The following LIN52 variants were observed in gnomAD, a reference collection of about 807,000 sequenced individuals.
LIN52 encodes the protein lin-52 DREAM MuvB core complex component.
In LIN52, 4 loss-of-function variants were observed where a neutral mutation model predicts 18.5. The ratio of observed to expected loss-of-function variants is 0.22; its 90% CI spans 0.11 to 0.49. The LOEUF is 0.49. Among genes scored for constraint, LIN52 ranks in the 20% least tolerant of loss-of-function variants. LIN52 has a pLI of 0.97. For synonymous variants in LIN52, 34 were observed against 45.5 expected, an observed-to-expected ratio of 0.75 and a Z score of 1.02; for missense variants, 102 against 139.5, an observed-to-expected ratio of 0.73 and a Z score of 1.35.
chr14:74,149,790 T>C (rs2109749), intron 5 of LIN52, among the ~76,000 whole-genome samples: 122,876 of 152,064 alleles, frequency 0.81, 49,850 homozygotes, highest in Admixed American at 0.83. Flanking sequence ...TGAAAGAAAC[T>C]TACTGGTAAA....
intron 5 of LIN52, among the ~76,000 whole-genome samples, chr14:74,193,763 G>GCCTATGTGGCCTACT (rs1189438279): frequency 4.9e-4 from 75 of 152,178 alleles, no homozygotes; most frequent in South Asian, 6.2e-4. Flanking sequence ...GTGGCCCAGG[G>GCCTATGTGGCCTACT]TCAATGTAAG....
chr14:74,192,615 G>A (rs961690674), intron 5 of LIN52: 3 of 213,516 alleles, frequency 1.4e-5, no homozygotes, highest in Admixed American at 5.5e-5. Context: ...TTTGAAGGTG[G>A]AGGGGTAGGA....
At chr14:74,172,438 A>C (rs1450193592) in intron 5 of LIN52, among the ~76,000 whole-genome samples, 1 of 152,216 alleles carries the variant, frequency 6.6e-6, no homozygotes, top group Admixed American at 6.6e-5. Flanking sequence ...GGTTGTGAGA[A>C]TTTTAAGTAA....
chr14:74,132,377 A>G (rs2061073314), intron 5 of LIN52, among the ~76,000 whole-genome samples: 2 of 152,260 alleles, frequency 1.3e-5, no homozygotes, highest in Non-Finnish European at 1.5e-5. Context: ...ACTGGACACC[A>G]GTCTGACACT....
rs1203003492 is a variant in LIN52 at position 74,160,022 on chromosome 14, CTG to C, written c.284-38898_284-38897del. On this transcript the variant is annotated intron_variant, in intron 5 of 5. Coordinates refer to ENST00000555028, the MANE Select transcript of LIN52 (RefSeq NM_001024674.3). ...TTTTATCAGATTTTTTAAGAGATCTCTGTTATGGATTGAATTTTGTCCCCTGA... is the reference window on the plus strand; with the variant it reads ...TTTTATCAGATTTTTTAAGAGATCTCTTATGGATTGAATTTTGTCCCCTGA... Among the ~76,000 whole-genome samples, 12 of 152,276 alleles carry C rather than the reference CTG, an allele frequency of 7.9e-5. No homozygotes were observed. The South Asian group carries it at 2.5e-3, about 32-fold the overall frequency.
At position 74,111,444 on chromosome 14, in the gene LIN52, A is replaced by G. The variant is rs569180065; in HGVS notation, c.283+10206A>G. ...GCTGGAACCACAGGACAGTGCCACC[A>G]TGCCTGACTGATTTTTTTTTTTTTT... On this transcript the variant is annotated intron_variant, in intron 5 of 5. Coordinates refer to ENST00000555028, the MANE Select transcript of LIN52 (RefSeq NM_001024674.3). Among the ~76,000 whole-genome samples, 74 of 144,198 alleles carry G rather than the reference A, an allele frequency of 5.1e-4. 1 individual carries two copies. In the South Asian group the frequency reaches 0.017, roughly 33 times the overall value. 94.6% of individuals were successfully genotyped at this position (144,198 alleles called of 152,430 possible).
chr14:74,175,220 A>G (rs117460525), intron 5 of LIN52, among the ~76,000 whole-genome samples: 3,360 of 152,012 alleles, frequency 0.022, 59 homozygotes, highest in Non-Finnish European at 0.031. Flanking sequence ...TGTTTCTTTG[A>G]TAATAAATTA....
At chr14:74,094,442 G>A (rs1030890599) in intron 2 of LIN52, among the ~76,000 whole-genome samples, 1 of 151,780 alleles carries the variant, frequency 6.6e-6, no homozygotes, top group African/African-American at 2.4e-5. Flanking sequence ...AAATTTTGGG[G>A]GGGACAAGAT....
At chr14:74,168,671 A>AC (rs2061259424) in intron 5 of LIN52, among the ~76,000 whole-genome samples, 1 of 151,696 alleles carries the variant, frequency 6.6e-6, no homozygotes, top group South Asian at 2.1e-4. Flanking sequence ...CCGTCTCAGA[A>AC]AAAAAAAAGA....
At chr14:74,175,778 T>G (rs938147397) in intron 5 of LIN52, among the ~76,000 whole-genome samples, 1 of 149,946 alleles carries the variant, frequency 6.7e-6, no homozygotes, top group African/African-American at 2.4e-5. Flanking sequence ...TACCAAAATC[T>G]TCTCCTTCTT....
chr14:74,162,305 G>A (rs945450775), intron 5 of LIN52, among the ~76,000 whole-genome samples: 6 of 151,618 alleles, frequency 4.0e-5, no homozygotes, highest in Non-Finnish European at 7.4e-5. Context: ...GTGAAATCTC[G>A]TCTCTACTAA....
intron 5 of LIN52, among the ~76,000 whole-genome samples, chr14:74,184,535 C>T (rs28652660): frequency 0.019 from 2,827 of 152,302 alleles, 55 homozygotes; most frequent in African/African-American, 0.05. Flanking sequence ...TGTTCCTTCA[C>T]ATCAAGACTG....
intron 5 of LIN52, among the ~76,000 whole-genome samples, chr14:74,191,931 G>A (rs368396702): frequency 1.3e-5 from 2 of 151,938 alleles, no homozygotes; most frequent in African/African-American, 2.4e-5. Context: ...CACCGCGCCC[G>A]GCCACTAAAC....
At chr14:74,169,354 TC>T (rs1430462206) in intron 5 of LIN52, among the ~76,000 whole-genome samples, 1 of 152,200 alleles carries the variant, frequency 6.6e-6, no homozygotes, top group East Asian at 1.9e-4. Context: ...CCAAGAAGTA[TC>T]CTTTCTCTTA....
chr14:74,097,563 G>A (rs1472339573), intron 3 of LIN52, among the ~76,000 whole-genome samples: 3 of 151,504 alleles, frequency 2.0e-5, no homozygotes, highest in African/African-American at 7.3e-5. Context: ...CTCCCAAGTA[G>A]CTGAGATTAC....
intron 5 of LIN52, among the ~76,000 whole-genome samples, chr14:74,175,752 C>CCCA (rs2061291531): frequency 8.6e-6 from 1 of 116,084 alleles, no homozygotes; most frequent in East Asian, 2.2e-4. Flanking sequence ...ACACACACAC[C>CCCA]CCCATTATAC....
Position 74,187,931 on chromosome 14 carries a change from T to C in LIN52, c.284-10991T>C, listed in dbSNP as rs185359426. ...AGGCATGGAGAGCCTACATAATTCA[T>C]CTGAGATCACTAATACGTGATGGAT... is the stretch of plus-strand genomic sequence containing the variant. On this transcript the variant is annotated intron_variant, in intron 5 of 5. Transcript: ENST00000555028. 1.5e-3 allele frequency among the ~76,000 whole-genome samples: 227 copies of C among 152,322 alleles called. 1 individual carries two copies. Among genetic ancestry groups the C allele is most frequent in the African/African-American group, 5.2e-3 (218 of 41,570 alleles).
At chr14:74,162,694 G>T (rs1595180635) in intron 5 of LIN52, among the ~76,000 whole-genome samples, 1 of 151,632 alleles carries the variant, frequency 6.6e-6, no homozygotes, top group Admixed American at 6.6e-5. Context: ...GCGCCCAGCC[G>T]AATTTTCTTA....
At chr14:74,185,053 C>G (rs2139589412) in intron 5 of LIN52, among the ~76,000 whole-genome samples, 1 of 152,052 alleles carries the variant, frequency 6.6e-6, no homozygotes, top group Admixed American at 6.5e-5. Context: ...GGTTCACTTA[C>G]TTCTCCAGAT....
Sources: allele counts gnomAD v4.1 joint callset (sites outside exome capture counted in the v4.1 genomes callset), GRCh38; gene constraint gnomAD v4.1.1; transcripts MANE v1.5; gene names NCBI Gene and HGNC (gene_info 2026-07-23, HGNC 2026-07-21).